Variants in P2RX7 observed in about 807,000 individuals in gnomAD.
The protein encoded by P2RX7 is purinergic receptor P2X 7.
Under a neutral mutation model 71.6 loss-of-function variants are expected in P2RX7, and 62 were observed. That is an observed-to-expected ratio of 0.87 (90% CI 0.71 to 1.07). The LOEUF is 1.07. Ranked by LOEUF, P2RX7 falls within the 50% of genes least tolerant of loss-of-function variation. P2RX7 has a pLI of 0.00. For missense variants in P2RX7, 686 were observed against 748.5 expected (o/e 0.92, Z 0.97); for synonymous variants, 299 against 283.3 (o/e 1.06, Z -0.56).
intron 8 of P2RX7, among the ~76,000 whole-genome samples, chr12:121,167,861 G>A (rs1057360857): frequency 6.7e-6 from 1 of 150,140 alleles, no homozygotes; most frequent in African/African-American, 2.5e-5. Context: ...CACCCAGGCT[G>A]AAGTGCAGTG....
At chr12:121,140,862 G>C (rs761105564) in intron 1 of P2RX7, among the ~76,000 whole-genome samples, 1 of 152,202 alleles carries the variant, frequency 6.6e-6, no homozygotes, top group Non-Finnish European at 1.5e-5. Context: ...GAAGCAGGTG[G>C]ATCACCTGAG....
intron 2 of P2RX7, chr12:121,155,281 CAGA>C (rs1253867925): frequency 7.5e-7 from 1 of 1,327,592 alleles, no homozygotes; most frequent in Admixed American, 2.2e-5. Flanking sequence ...TGCCGAGATT[CAGA>C]AGGACAGAGA....
In P2RX7 at chr12:121,184,837, C is replaced by T. The variant is rs201425886; in HGVS notation, c.*35C>T. The T allele has an allele frequency of 2.0e-5, 29 of 1,477,346 alleles. No homozygotes were observed. Among genetic ancestry groups the T allele is most frequent in the South Asian group, 1.2e-4 (9 of 76,290 alleles). The allele number at this position is 1,477,346 out of a possible 1,614,324, so 91.5% of individuals were successfully genotyped here. ...CCGTGGCTCACGTCTGTAATCCCAG[C>T]GCTTTGGGAGGCCGAGGCAGGCAGA... On this transcript the variant is annotated 3_prime_UTR_variant, in exon 13 of 13. Coordinates refer to ENST00000328963, the MANE Select transcript of P2RX7 (RefSeq NM_002562.6).
chr12:121,135,547 G>A (rs1242080267), intron 1 of P2RX7, among the ~76,000 whole-genome samples: 1 of 152,042 alleles, frequency 6.6e-6, no homozygotes, highest in East Asian at 1.9e-4. Context: ...GAGAATTGTT[G>A]ATAGGAATAT....
At chr12:121,168,416 G>A (rs1881558075) in intron 8 of P2RX7, among the ~76,000 whole-genome samples, 2 of 151,816 alleles carry the variant, frequency 1.3e-5, no homozygotes, top group African/African-American at 4.8e-5. Context: ...CCACAGGCAT[G>A]TGCCACCACA....
At chr12:121,144,771 T>A (rs772026915) in intron 1 of P2RX7, among the ~76,000 whole-genome samples, 6 of 151,906 alleles carry the variant, frequency 3.9e-5, no homozygotes, top group Non-Finnish European at 7.4e-5. Flanking sequence ...AGTAGATGAA[T>A]TTGAGCATAT....
chr12:121,175,389 T>C lies in P2RX7; in HGVS notation c.883T>C (p.Tyr295His). ...VSLYPGYNFRYAKYYKENNVE... is the reference protein window; with the variant it reads ...VSLYPGYNFRHAKYYKENNVE... ...ATACAGATCCTTTTCTTCCTACAGA[T>C]ACGCCAAGTACTACAAGGAAAACAA... Residue 295 changes from tyrosine to histidine, a missense_variant and splice_region_variant, in exon 9 of 13, where the codon TAC (tyrosine) becomes CAC (histidine). Tyr to His is a moderately conservative substitution (Grantham distance 83). Transcript: ENST00000328963. 6.3e-7 allele frequency: 1 copy of C among 1,594,260 alleles called. No homozygotes were observed. Among genetic ancestry groups the C allele is most frequent in the Middle Eastern group, 1.7e-4 (1 of 6,004 alleles).
At chr12:121,136,023 A>AAAAAT in intron 1 of P2RX7, among the ~76,000 whole-genome samples, 4 of 15,256 alleles carry the variant, frequency 2.6e-4, no homozygotes, top group African/African-American at 4.9e-4. Context: ...AAAAAAAAAA[A>AAAAAT]ATATATATAT....
intron 1 of P2RX7, among the ~76,000 whole-genome samples, chr12:121,152,579 G>A (rs1877674634): frequency 6.6e-6 from 1 of 152,122 alleles, no homozygotes; most frequent in Admixed American, 6.5e-5. Context: ...GAGTGCAGTG[G>A]CGCGATCTCA....
intron 1 of P2RX7, among the ~76,000 whole-genome samples, chr12:121,142,079 T>C (rs1875005668): frequency 1.3e-5 from 2 of 152,168 alleles, no homozygotes; most frequent in Admixed American, 1.3e-4. Flanking sequence ...CCCCATGGCT[T>C]AGAGGGCCCC....
intron 5 of P2RX7, among the ~76,000 whole-genome samples, chr12:121,164,978 C>T (rs1015605723): frequency 2.0e-5 from 3 of 152,072 alleles, no homozygotes; most frequent in Non-Finnish European, 4.4e-5. Context: ...ATGTGCCGCA[C>T]ACTTTTAAAT....
chr12:121,141,688 C>T (rs775680966), intron 1 of P2RX7, among the ~76,000 whole-genome samples: 3 of 152,114 alleles, frequency 2.0e-5, no homozygotes, highest in Non-Finnish European at 4.4e-5. Context: ...AAATATAACA[C>T]CTACTGAGTA....
Position 121,160,937 on chromosome 12 carries a change from A to G in P2RX7, c.399A>G (p.Arg133=). 1 of 1,613,992 alleles carries G rather than the reference A, an allele frequency of 6.2e-7. No individual in the cohort carries two copies. The change falls in exon 4 of 13, where the codon CGA becomes CGG. Residue 133 remains arginine, a synonymous_variant. Transcript: ENST00000328963. ...GCAGGACGCTCTGTTCCTCTGACCG[A>G]GGTTGTAAAAAGGGATGGATGGACC... ...PTRRTLCSSD[R]GCKKGWMDPQ... is the part of the protein sequence containing the mutation.
intron 1 of P2RX7, among the ~76,000 whole-genome samples, chr12:121,139,239 G>C (rs965618459): frequency 6.6e-6 from 1 of 152,236 alleles, no homozygotes; most frequent in Non-Finnish European, 1.5e-5. Flanking sequence ...ACCGCACCCG[G>C]CTGGATAATT....
intron 7 of P2RX7, 101 bp from the exon 8 acceptor site, chr12:121,167,387 C>G (rs1881305025): frequency 6.4e-6 from 9 of 1,404,800 alleles, no homozygotes; most frequent in Non-Finnish European, 8.8e-6. Flanking sequence ...AGCATTTTTC[C>G]TCTAAAAACC....
At position 121,146,287 on chromosome 12, in the gene P2RX7, C is replaced by CTTT. The variant is rs35415599; in HGVS notation, c.126-8471_126-8469dup. Among the ~76,000 whole-genome samples, 49 of 80,486 alleles carry CTTT rather than the reference C, an allele frequency of 6.1e-4. 2 individuals are homozygous for CTTT. Among genetic ancestry groups the CTTT allele is most frequent in the African/African-American group, 9.6e-4 (14 of 14,590 alleles). 52.8% of individuals were successfully genotyped at this position (80,486 alleles called of 152,430 possible). On this transcript the variant is annotated intron_variant, in intron 1 of 12. Coordinates refer to ENST00000328963, the MANE Select transcript of P2RX7 (RefSeq NM_002562.6). ...CCATCCTCTTATTTGTCAAGCCTCT[C>CTTT]TTTTTTTTTTTTTTTTTTTTTTTTT...
chr12:121,139,348 C>G (rs1874350590), intron 1 of P2RX7, among the ~76,000 whole-genome samples: 1 of 152,210 alleles, frequency 6.6e-6, no homozygotes, highest in African/African-American at 2.4e-5. Flanking sequence ...TCCCTCTTCC[C>G]TGGAGACCAG....
At position 121,149,251 on chromosome 12, in the gene P2RX7, T is replaced by C. The variant is rs2136020817; in HGVS notation, c.126-5534T>C. On this transcript the variant is annotated intron_variant, in intron 1 of 12. Coordinates refer to ENST00000328963, the MANE Select transcript of P2RX7 (RefSeq NM_002562.6). The surrounding 1 kb of genome is among the most constrained non-coding windows in gnomAD (Gnocchi z 4.7). ...GGGTCCCATGGGCCCAACCTCACCC[T>C]CCATCCTTATTTCCCTGCCACTCCA... The C allele has an allele frequency of 3.2e-6, 1 of 309,194 alleles. No homozygotes were observed. The highest frequency in any genetic ancestry group is 4.4e-5 in the Admixed American group (1 of 22,668). 19.2% of individuals were successfully genotyped at this position (309,194 alleles called of 1,614,324 possible).
chr12:121,147,476 C>T (rs1197553539), intron 1 of P2RX7, among the ~76,000 whole-genome samples: 1 of 152,160 alleles, frequency 6.6e-6, no homozygotes, highest in Non-Finnish European at 1.5e-5. Flanking sequence ...AACAAAGGTT[C>T]CAGTAAATAT....
Sources: gnomAD v4.1 joint callset for allele counts (sites outside exome capture counted in the v4.1 genomes callset) on GRCh38, gnomAD v4.1.1 for gene constraint, Gnocchi (gnomAD v3.1) non-coding constraint, MANE v1.5 for transcripts, NCBI Gene and HGNC (gene_info 2026-07-23, HGNC 2026-07-21) for gene names.